Variants in AGBL1 observed in about 807,000 individuals in gnomAD.
AGBL1 encodes cytosolic carboxypeptidase 4.
A neutral mutation model predicts 118.9 loss-of-function variants in AGBL1; 130 were observed. The observed-to-expected ratio is 1.09, with a 90% confidence interval of 0.95 to 1.26. The LOEUF is 1.26. AGBL1 is among the 50% of genes most tolerant of loss of function. The pLI, the probability that AGBL1 is intolerant of heterozygous loss-of-function variation, is 0.00. For missense variants in AGBL1, 1,584 were observed against 1,298.1 expected, an observed-to-expected ratio of 1.22 and a Z score of -3.38; for synonymous variants, 555 against 478.9, an observed-to-expected ratio of 1.16 and a Z score of -2.08.
chr15:86,336,231 C>T (rs1231122955), intron 17 of AGBL1, among the ~76,000 whole-genome samples: 3 of 152,228 alleles, frequency 2.0e-5, no homozygotes, highest in African/African-American at 7.2e-5. Context: ...TCTCAAACCA[C>T]AGATTCTTGC....
At chr15:86,556,953 T>A (rs1230000376) in intron 21 of AGBL1, among the ~76,000 whole-genome samples, 3 of 152,214 alleles carry the variant, frequency 2.0e-5, no homozygotes, top group Admixed American at 6.5e-5. Flanking sequence ...AAATGAAATA[T>A]CATTCTTTAC....
At chr15:86,637,249 CAG>C (rs954389782) in intron 21 of AGBL1, among the ~76,000 whole-genome samples, 8 of 152,018 alleles carry the variant, frequency 5.3e-5, no homozygotes, top group African/African-American at 1.7e-4. Flanking sequence ...GGCAATGAAA[CAG>C]AGTCCTGATG....
chr15:86,225,794 C>A (rs977209163), intron 6 of AGBL1, among the ~76,000 whole-genome samples: 7 of 152,164 alleles, frequency 4.6e-5, no homozygotes, highest in East Asian at 3.9e-4. Flanking sequence ...AATAGGTGAA[C>A]TTTAATAAAA....
intron 22 of AGBL1, among the ~76,000 whole-genome samples, chr15:86,823,059 C>T (rs574536685): frequency 6.6e-6 from 1 of 152,200 alleles, no homozygotes; most frequent in East Asian, 1.9e-4. Flanking sequence ...TGCTAGTAGC[C>T]TTGACAATAG....
intron 5 of AGBL1, among the ~76,000 whole-genome samples, chr15:86,185,493 C>G (rs1009796982): frequency 7.2e-5 from 11 of 152,120 alleles, no homozygotes; most frequent in Admixed American, 2.6e-4. Context: ...ATAGCAAAGA[C>G]TTGGAACCAA....
intron 17 of AGBL1, among the ~76,000 whole-genome samples, chr15:86,344,375 TC>T (rs927755863): frequency 5.3e-5 from 8 of 152,074 alleles, no homozygotes; most frequent in Admixed American, 1.3e-4. Flanking sequence ...TGAGGTCTTA[TC>T]CCCTCAAGTC....
At chr15:86,672,640 G>A (rs1028550687) in intron 21 of AGBL1, among the ~76,000 whole-genome samples, 3 of 152,124 alleles carry the variant, frequency 2.0e-5, no homozygotes, top group Non-Finnish European at 2.9e-5. Context: ...TTGTATAAAA[G>A]TAACCTGGAA....
rs897703038 is a variant in AGBL1, at chr15:86,234,499, G to A, written c.526+9548G>A. Among the ~76,000 whole-genome samples, 20 of 143,274 alleles carry A rather than the reference G, an allele frequency of 1.4e-4. No individual in the cohort carries two copies. The East Asian group carries it at 1.4e-3, about 10-fold the overall frequency. 94.0% of individuals were successfully genotyped at this position (143,274 alleles called of 152,430 possible). ...TCTGGAGGCGGAGGTTGCAGTGAGCGAAGATCACACCACTGCACTCCAGCC... is the reference window on the plus strand; with the variant it reads ...TCTGGAGGCGGAGGTTGCAGTGAGCAAAGATCACACCACTGCACTCCAGCC... On this transcript the variant is annotated intron_variant, in intron 6 of 22. Transcript: ENST00000614907.
chr15:86,483,818 A>G (rs2082681904), intron 18 of AGBL1, among the ~76,000 whole-genome samples: 1 of 152,250 alleles, frequency 6.6e-6, no homozygotes. Flanking sequence ...CTGCATCCCT[A>G]CAATTATTGC....
intron 13 of AGBL1, among the ~76,000 whole-genome samples, chr15:86,268,701 C>T (rs1011588733): frequency 1.3e-5 from 2 of 152,168 alleles, no homozygotes; most frequent in African/African-American, 2.4e-5. Flanking sequence ...GTGAGTGCCA[C>T]TCCATGGGGT....
chr15:86,482,377 T>G (rs2082663356), intron 18 of AGBL1, among the ~76,000 whole-genome samples: 1 of 152,178 alleles, frequency 6.6e-6, no homozygotes, highest in African/African-American at 2.4e-5. Flanking sequence ...CTGCCATGCT[T>G]TATCCCCAGG....
intron 22 of AGBL1, among the ~76,000 whole-genome samples, chr15:86,861,600 A>G (rs2079559212): frequency 3.3e-5 from 5 of 152,190 alleles, no homozygotes; most frequent in Admixed American, 3.3e-4. Context: ...CGTTTTTACA[A>G]TTGCATAATG....
chr15:86,650,259 T>G (rs2085348231), intron 21 of AGBL1, among the ~76,000 whole-genome samples: 1 of 152,174 alleles, frequency 6.6e-6, no homozygotes, highest in African/African-American at 2.4e-5. Flanking sequence ...GCCAGCTTCC[T>G]TATTACTAAG....
chr15:86,735,765 A>G (rs976292002), intron 22 of AGBL1, among the ~76,000 whole-genome samples: 18 of 152,046 alleles, frequency 1.2e-4, no homozygotes, highest in African/African-American at 4.1e-4. Flanking sequence ...ATTGCTTGGC[A>G]CAAGTGTGCT....
In AGBL1 at chr15:86,311,606, T is replaced by A. The variant is rs190719781; in HGVS notation, c.2374+16198T>A. On this transcript the variant is annotated intron_variant, in intron 17 of 22. Coordinates refer to ENST00000614907, the MANE Select transcript of AGBL1 (RefSeq NM_001386094.1). The stretch of plus-strand genomic sequence containing the variant: ...CCGGGTTTTCTCCGGGGCTTCCTAT[T>A]TTTTTTCTTTTTTTTGACATCACGA... 3.6e-3 allele frequency among the ~76,000 whole-genome samples: 541 copies of A among 152,274 alleles called. 2 individuals are homozygous for A. Among genetic ancestry groups the A allele is most frequent in the African/African-American group, 0.012 (512 of 41,548 alleles).
chr15:86,625,375 T>G (rs2084869390), intron 21 of AGBL1, among the ~76,000 whole-genome samples: 1 of 44,594 alleles, frequency 2.2e-5, no homozygotes, highest in African/African-American at 1.1e-4. Context: ...GTTTTTTTTT[T>G]TTTGTTTTTG....
At chr15:86,283,460 C>T (rs1292147589) in intron 16 of AGBL1, among the ~76,000 whole-genome samples, 1 of 150,038 alleles carries the variant, frequency 6.7e-6, no homozygotes, top group Non-Finnish European at 1.5e-5. Context: ...ATACTGTTAT[C>T]TCCAGAGACA....
chr15:86,356,931 A>G (rs886213000), intron 17 of AGBL1, among the ~76,000 whole-genome samples: 4 of 152,052 alleles, frequency 2.6e-5, no homozygotes, highest in African/African-American at 9.7e-5. Context: ...TGATGCAAAT[A>G]CTCTCCATTT....
chr15:86,712,000 GA>G (rs2086568023), intron 22 of AGBL1, among the ~76,000 whole-genome samples: 1 of 152,128 alleles, frequency 6.6e-6, no homozygotes, highest in Non-Finnish European at 1.5e-5. Flanking sequence ...TGCAAATGAG[GA>G]AACTGACACC....
Sources: allele counts gnomAD v4.1 joint callset (sites outside exome capture counted in the v4.1 genomes callset), GRCh38; gene constraint gnomAD v4.1.1; transcripts MANE v1.5; gene names NCBI Gene and HGNC (gene_info 2026-07-23, HGNC 2026-07-21).